WDFY4: variants seen among roughly 807,000 people sequenced by gnomAD.
WDFY4 encodes WDFY family member 4.
In WDFY4, 169 loss-of-function variants were observed where a neutral mutation model predicts 351.9. The observed-to-expected ratio is 0.48, with a 90% CI of 0.42 to 0.55. WDFY4 has a LOEUF of 0.55. Ranked by LOEUF, WDFY4 falls within the 20% of genes least tolerant of loss-of-function variation. The pLI, the probability that WDFY4 is intolerant of heterozygous loss-of-function variation, is 0.00. For missense variants in WDFY4, 3,803 were observed against 3,935.6 expected, an observed-to-expected ratio of 0.97 and a Z score of 0.90; for synonymous variants, 1,622 against 1,574.6, an observed-to-expected ratio of 1.03 and a Z score of -0.71.
chr10:48,968,923 C>A, intron 55 of WDFY4, 141 bp from the exon 56 acceptor site: 1 of 820,134 alleles, frequency 1.2e-6, no homozygotes, highest in Non-Finnish European at 1.9e-6. Context: ...CACTCCTGCC[C>A]AGGGCCCAGC....
intron 49 of WDFY4, among the ~76,000 whole-genome samples, chr10:48,944,925 T>C (rs111919528): frequency 0.031 from 4,708 of 152,308 alleles, 75 homozygotes; most frequent in Middle Eastern, 0.078. Context: ...TTGTGAAAGC[T>C]GAGTGTGGGT....
chr10:48,723,091 A>C (rs2064145617), intron 4 of WDFY4, among the ~76,000 whole-genome samples: 1 of 152,022 alleles, frequency 6.6e-6, no homozygotes, highest in African/African-American at 2.4e-5. Flanking sequence ...ATGATTTGTT[A>C]GGAAGCCCTT....
intron 43 of WDFY4, among the ~76,000 whole-genome samples, chr10:48,886,711 A>G (rs1203051868): frequency 6.6e-6 from 1 of 152,256 alleles, no homozygotes; most frequent in African/African-American, 2.4e-5. Context: ...TTATAGCAGC[A>G]GATAATGGAC....
intron 24 of WDFY4, among the ~76,000 whole-genome samples, chr10:48,797,986 T>C (rs551884739): frequency 1.3e-5 from 2 of 152,266 alleles, no homozygotes; most frequent in African/African-American, 4.8e-5. Flanking sequence ...TAGAGGATTT[T>C]GAAACCTAAA....
At chr10:48,896,197 C>T (rs1193736775) in intron 44 of WDFY4, among the ~76,000 whole-genome samples, 1 of 152,226 alleles carries the variant, frequency 6.6e-6, no homozygotes, top group African/African-American at 2.4e-5. Context: ...GCAGGGGAGA[C>T]AGACCAGTCA....
chr10:48,849,390 A>G (rs1318674662), intron 39 of WDFY4, among the ~76,000 whole-genome samples: 1 of 152,226 alleles, frequency 6.6e-6, no homozygotes, highest in Non-Finnish European at 1.5e-5. Flanking sequence ...CATTTTGTAC[A>G]TCAATCAGTC....
At chr10:48,953,329 T>TCTCTCTCA (rs1554820639) in intron 51 of WDFY4, among the ~76,000 whole-genome samples, 6 of 87,504 alleles carry the variant, frequency 6.9e-5, no homozygotes, top group Admixed American at 2.4e-4. Context: ...TCTCTCTCTC[T>TCTCTCTCA]CTCTCACACA....
At chr10:48,847,383 G>T (rs1020403423) in intron 39 of WDFY4, among the ~76,000 whole-genome samples, 6 of 152,098 alleles carry the variant, frequency 3.9e-5, no homozygotes, top group African/African-American at 1.4e-4. Flanking sequence ...ATATGAATTG[G>T]GGGGAACATG....
intron 49 of WDFY4, 38 bp from the exon 50 acceptor site, chr10:48,946,002 T>C (rs1841025165): frequency 4.2e-6 from 6 of 1,414,320 alleles, no homozygotes; most frequent in Admixed American, 5.0e-5. Flanking sequence ...CACAAGCGGG[T>C]CTGGGGAGTT....
intron 37 of WDFY4, among the ~76,000 whole-genome samples, chr10:48,830,430 C>T (rs1002091449): frequency 6.6e-6 from 1 of 152,108 alleles, no homozygotes; most frequent in Non-Finnish European, 1.5e-5. Flanking sequence ...GATATGTTTC[C>T]CAGTCCTGGA....
At chr10:48,836,600 A>G (rs1458034346) in intron 39 of WDFY4, among the ~76,000 whole-genome samples, 2 of 152,184 alleles carry the variant, frequency 1.3e-5, no homozygotes, top group African/African-American at 4.8e-5. Context: ...ACCTATCTTC[A>G]TTTTCAGTAG....
Position 48,743,501 on chromosome 10 carries a change from C to T in WDFY4, c.2412C>T (p.Gly804=). The change falls in exon 12 of 62, where the codon GGC becomes GGT. Residue 804 remains glycine (G), a synonymous_variant. Coordinates refer to ENST00000325239, the MANE Select transcript of WDFY4 (RefSeq NM_001394531.1). The part of the protein sequence containing the change: ...PVVDVQKGET[G]SDPQRNFKQW... ...TGGATGTTCAGAAGGGAGAAACTGG[C>T]AGTGACCCCCAACGCAACTTCAAGC... The T allele has an allele frequency of 6.5e-7, 1 of 1,541,532 alleles. No homozygotes were observed. The highest frequency in any genetic ancestry group is 1.2e-5 in the South Asian group (1 of 84,042).
chr10:48,865,714 T>C (rs1434680612), intron 39 of WDFY4, among the ~76,000 whole-genome samples: 1 of 152,188 alleles, frequency 6.6e-6, no homozygotes, highest in African/African-American at 2.4e-5. Context: ...TCTTTGTGGG[T>C]AGGTTTTGTT....
intron 7 of WDFY4, among the ~76,000 whole-genome samples, chr10:48,728,668 A>G (rs1352504269): frequency 6.6e-6 from 1 of 152,228 alleles, no homozygotes; most frequent in Non-Finnish European, 1.5e-5. Flanking sequence ...CTCCAAAGGG[A>G]CGCTAAGTGT....
intron 43 of WDFY4, among the ~76,000 whole-genome samples, chr10:48,883,470 G>A (rs1225716274): frequency 6.6e-6 from 1 of 152,210 alleles, no homozygotes; most frequent in Admixed American, 6.5e-5. Flanking sequence ...TTTAGCAAGT[G>A]TTGGTTGTAA....
chr10:48,857,406 C>T (rs73312045), intron 39 of WDFY4, among the ~76,000 whole-genome samples: 386 of 151,590 alleles, frequency 2.5e-3, no homozygotes, highest in African/African-American at 8.9e-3. Context: ...ACAGTTGGTG[C>T]CAATGTCTTG....
At position 48,910,467 on chromosome 10, in the gene WDFY4, G is replaced by C. The variant is rs542313620; in HGVS notation, c.7586+8604G>C. Among the ~76,000 whole-genome samples the C allele has an allele frequency of 2.0e-5, 3 of 152,314 alleles. No homozygotes were observed. The South Asian group carries it at 6.2e-4, about 32-fold the overall frequency. The stretch of plus-strand genomic sequence containing the variant: ...TTTTATGCTTAATACAATTTCCAAG[G>C]AGTAAAGGTGACTGAGGTATTTTAG... On this transcript the variant is annotated intron_variant, in intron 47 of 61. Transcript: ENST00000325239.
chr10:48,737,272 A>T (rs537632440), intron 11 of WDFY4, among the ~76,000 whole-genome samples: 1 of 152,138 alleles, frequency 6.6e-6, no homozygotes, highest in East Asian at 1.9e-4. Flanking sequence ...AGCCTCCCAA[A>T]GTGCTAGGAT....
chr10:48,749,384 C>G (rs552038311), intron 12 of WDFY4, among the ~76,000 whole-genome samples: 1 of 151,888 alleles, frequency 6.6e-6, no homozygotes, highest in Admixed American at 6.6e-5. Context: ...AAACATACAC[C>G]TTACACATAC....
Sources: gnomAD v4.1 joint callset for allele counts (sites outside exome capture counted in the v4.1 genomes callset) on GRCh38, gnomAD v4.1.1 for gene constraint, MANE v1.5 for transcripts, NCBI Gene and HGNC (gene_info 2026-07-23, HGNC 2026-07-21) for gene names.